The following BICD1 variants were observed in gnomAD, a reference collection of about 807,000 sequenced individuals.
BICD1 encodes BICD cargo adaptor 1.
In BICD1, 35 loss-of-function variants were observed where a neutral mutation model predicts 92.5. The observed-to-expected ratio is 0.38, with a 90% CI of 0.29 to 0.50. BICD1 has a LOEUF of 0.50. Ranked by LOEUF, BICD1 falls within the 20% of genes least tolerant of loss-of-function variation. The pLI is 0.93. For missense variants in BICD1, 950 were observed against 1,189.8 expected (o/e 0.80, Z 2.97); for synonymous variants, 429 against 465.1 (o/e 0.92, Z 1.00).
chr12:32,283,880 GCCTGTGCC>G (rs1378794842), intron 2 of BICD1, among the ~76,000 whole-genome samples: 2 of 152,220 alleles, frequency 1.3e-5, no homozygotes, highest in East Asian at 3.9e-4. Context: ...GAAACTCAGA[GCCTGTGCC>G]CCTGGAATTT....
At chr12:32,296,259 T>G (rs868712905) in intron 3 of BICD1, among the ~76,000 whole-genome samples, 21,159 of 127,876 alleles carry the variant, frequency 0.17, 956 homozygotes, top group East Asian at 0.3. Flanking sequence ...TTTTTTTGTT[T>G]TTTTTTTTTT....
chr12:32,312,297 A>G (rs531810995), intron 4 of BICD1, among the ~76,000 whole-genome samples: 1 of 152,336 alleles, frequency 6.6e-6, no homozygotes, highest in Admixed American at 6.5e-5. Context: ...TATAGCTACT[A>G]CAATTTAAAT....
intron 1 of BICD1, among the ~76,000 whole-genome samples, chr12:32,212,236 T>C (rs780289844): frequency 1.3e-5 from 2 of 152,240 alleles, no homozygotes; most frequent in Non-Finnish European, 2.9e-5. Context: ...TTTTAATTTC[T>C]GTTTCTGTGA....
At chr12:32,329,141 G>C (rs1217360135) in intron 5 of BICD1, among the ~76,000 whole-genome samples, 1 of 151,980 alleles carries the variant, frequency 6.6e-6, no homozygotes, top group Non-Finnish European at 1.5e-5. Context: ...GTCTCGCTCT[G>C]TTGTCCAGGC....
intron 1 of BICD1, among the ~76,000 whole-genome samples, chr12:32,188,039 T>G (rs894049366): frequency 3.3e-5 from 5 of 151,946 alleles, no homozygotes; most frequent in Non-Finnish European, 7.4e-5. Flanking sequence ...CCCGGGTTCA[T>G]GCAATTCTCC....
intron 2 of BICD1, among the ~76,000 whole-genome samples, chr12:32,269,118 T>C (rs1947073510): frequency 6.6e-6 from 1 of 152,184 alleles, no homozygotes; most frequent in Non-Finnish European, 1.5e-5. Context: ...AGAAACTTTG[T>C]TGTCAATAAT....
chr12:32,142,283 G>C (rs1942948475), intron 1 of BICD1, among the ~76,000 whole-genome samples: 1 of 151,736 alleles, frequency 6.6e-6, no homozygotes, highest in Admixed American at 6.6e-5. Flanking sequence ...GCAGGCGCCT[G>C]TACTCTGAGC....
At chr12:32,324,386 T>C (rs550419354) in intron 4 of BICD1, among the ~76,000 whole-genome samples, 1 of 151,046 alleles carries the variant, frequency 6.6e-6, no homozygotes, top group South Asian at 2.1e-4. Flanking sequence ...CTTAGGACAC[T>C]GAGCAAGAAT....
At position 32,382,061 on chromosome 12, in the gene BICD1, A is replaced by G. The variant is rs1940198630; in HGVS notation, c.*4434A>G. 1 of 152,084 alleles carries G rather than the reference A, an allele frequency of 6.6e-6. No homozygotes were observed. 9.4% of individuals were successfully genotyped at this position (152,084 alleles called of 1,614,324 possible). ...ACAAGATCAATCTAGCTCCCGAGTG[A>G]CATTTTCCATTGTCTGTAATAATGC... On this transcript the variant is annotated 3_prime_UTR_variant, in exon 10 of 10. Coordinates refer to ENST00000652176, the MANE Select transcript of BICD1 (RefSeq NM_001714.4).
chr12:32,361,226 G>A (rs1565696418), intron 8 of BICD1, among the ~76,000 whole-genome samples: 1 of 152,194 alleles, frequency 6.6e-6, no homozygotes, highest in Non-Finnish European at 1.5e-5. Flanking sequence ...CAGAGAGCAA[G>A]GAGACGAGTG....
intron 8 of BICD1, among the ~76,000 whole-genome samples, chr12:32,344,100 G>A (rs1002760951): frequency 1.3e-5 from 2 of 152,190 alleles, no homozygotes; most frequent in South Asian, 2.1e-4. Context: ...GGTAGGGGAG[G>A]TAGGAGACAA....
chr12:32,303,344 C>G (rs1047837612), intron 3 of BICD1, among the ~76,000 whole-genome samples: 7 of 152,200 alleles, frequency 4.6e-5, no homozygotes, highest in African/African-American at 2.4e-5. Flanking sequence ...GAAACATCTG[C>G]TATACATATG....
intron 3 of BICD1, among the ~76,000 whole-genome samples, chr12:32,295,172 T>C (rs1197171443): frequency 6.6e-6 from 1 of 152,044 alleles, no homozygotes; most frequent in Non-Finnish European, 1.5e-5. Context: ...ATTTAAATGA[T>C]TTTTTTGCTG....
At chr12:32,229,126 C>G (rs2121576266) in intron 2 of BICD1, among the ~76,000 whole-genome samples, 1 of 152,180 alleles carries the variant, frequency 6.6e-6, no homozygotes, top group South Asian at 2.1e-4. Flanking sequence ...TGGTGCATGC[C>G]TATAATCCCA....
chr12:32,118,427 A>C (rs2121205816), intron 1 of BICD1, among the ~76,000 whole-genome samples: 1 of 152,246 alleles, frequency 6.6e-6, no homozygotes, highest in South Asian at 2.1e-4. Flanking sequence ...CAGGCCCCAG[A>C]ATCTGTGGGT....
At chr12:32,232,332 T>C (rs1164956519) in intron 2 of BICD1, among the ~76,000 whole-genome samples, 2 of 151,938 alleles carry the variant, frequency 1.3e-5, no homozygotes, top group East Asian at 3.9e-4. Context: ...ATTTCTCTGA[T>C]GGCCAGTGAT....
intron 1 of BICD1, among the ~76,000 whole-genome samples, chr12:32,112,329 A>G (rs768350461): frequency 5.9e-5 from 9 of 152,160 alleles, no homozygotes; most frequent in Non-Finnish European, 1.2e-4. Flanking sequence ...TGAAATCAAG[A>G]TTTCGTCTCT....
chr12:32,368,008 G>T, intron 9 of BICD1: 1 of 374,112 alleles, frequency 2.7e-6, no homozygotes, highest in South Asian at 7.1e-5. Flanking sequence ...GTAAATACTT[G>T]GATTAGTCCA....
intron 1 of BICD1, among the ~76,000 whole-genome samples, chr12:32,115,386 G>GTTTTTTTTTTTTTTTTTTTT (rs149711623): frequency 3.1e-5 from 3 of 97,744 alleles, no homozygotes; most frequent in Non-Finnish European, 4.3e-5. Flanking sequence ...TGGTGTTTTT[G>GTTTTTTTTTTTTTTTTTTTT]GTTTTTTTTT....
Sources: gnomAD v4.1 joint callset for allele counts (sites outside exome capture counted in the v4.1 genomes callset) on GRCh38, gnomAD v4.1.1 for gene constraint, MANE v1.5 for transcripts, NCBI Gene and HGNC (gene_info 2026-07-23, HGNC 2026-07-21) for gene names.